Variants in RAG1 observed in about 807,000 individuals in gnomAD.
The protein encoded by RAG1 is recombination activating 1, also known as V(D)J recombination-activating protein 1.
A neutral mutation model predicts 62.7 loss-of-function variants in RAG1; 35 were observed. The observed-to-expected ratio is 0.56, with a 90% CI of 0.43 to 0.74. RAG1 has a LOEUF of 0.74. Among genes scored for constraint, RAG1 ranks in the 30% least tolerant of loss-of-function variants. The pLI is 0.00. For missense variants in RAG1, 1,169 were observed against 1,278.6 expected, an observed-to-expected ratio of 0.91 and a Z score of 1.31; for synonymous variants, 461 against 470.3, an observed-to-expected ratio of 0.98 and a Z score of 0.26.
At position 36,579,416 on chromosome 11, in the gene RAG1, T is replaced by G. The variant is rs1850902326; in HGVS notation, c.*2980T>G. The G allele has an allele frequency of 6.0e-6, 1 of 167,118 alleles. No homozygotes were observed. The highest frequency in any genetic ancestry group is 6.5e-5 in the Admixed American group (1 of 15,286). 10.4% of individuals were successfully genotyped at this position (167,118 alleles called of 1,614,324 possible). A position where few individuals can be genotyped will look rare whatever the true frequency, so the allele number is the denominator to read the frequency against. On this transcript the variant is annotated 3_prime_UTR_variant, in exon 2 of 2. Transcript: ENST00000299440. ...TGTACCCATTTTACATTTTCTTATT[T>G]TAACTACAGTAATCTACATAAATAT...
At chr11:36,510,553 AGTAGTAATCCC>A (rs1340825002), upstream of RAG1, 2 of 152,150 alleles carry the variant, frequency 1.3e-5, no homozygotes, top group Non-Finnish European at 2.9e-5. Context: ...CAGTGGCGAC[AGTAGTAATCCC>A]AAACTGCGCT....
chr11:36,573,551 G>C lies in RAG1; in HGVS notation c.247G>C (p.Ala83Pro). Residue 83 changes from alanine to proline, a missense_variant, in exon 2 of 2, where the codon GCC becomes CCC. Transcript: ENST00000299440. ...KPVPTQPLLK[A>P]HPKFSKKFHD... ...AGTCCCAACTCAGCCATTGTTAAAA[G>C]CCCACCCTAAGTTTTCAAAGAAATT... 6.2e-7 allele frequency: 1 copy of C among 1,614,148 alleles called. No individual in the cohort carries two copies. Among genetic ancestry groups the C allele is most frequent in the African/African-American group, 1.3e-5 (1 of 75,024 alleles).
At chr11:36,529,264 T>C (rs889364063) in intron 2 of RAG1, among the ~76,000 whole-genome samples, 1 of 152,102 alleles carries the variant, frequency 6.6e-6, no homozygotes, top group Non-Finnish European at 1.5e-5. Flanking sequence ...GCAAACCACA[T>C]CCAGCAGTGT....
chr11:36,531,270 T>C (rs1450281753), intron 2 of RAG1, among the ~76,000 whole-genome samples: 2 of 152,118 alleles, frequency 1.3e-5, no homozygotes, highest in East Asian at 3.9e-4. Context: ...TGAATGTTTT[T>C]TAATCCACTT....
At chr11:36,549,845 G>A (rs553551601) in intron 3 of RAG1, among the ~76,000 whole-genome samples, 10 of 152,252 alleles carry the variant, frequency 6.6e-5, no homozygotes, top group African/African-American at 2.4e-4. Flanking sequence ...GTACACAATA[G>A]CAAAGACTTG....
At chr11:36,561,440 C>A (rs1850582108) in intron 3 of RAG1, among the ~76,000 whole-genome samples, 1 of 152,142 alleles carries the variant, frequency 6.6e-6, no homozygotes, top group African/African-American at 2.4e-5. Context: ...CCAATTACTC[C>A]AGATTTGTTT....
At chr11:36,520,794 T>C (rs942753505) in intron 2 of RAG1, among the ~76,000 whole-genome samples, 1 of 152,208 alleles carries the variant, frequency 6.6e-6, no homozygotes, top group African/African-American at 2.4e-5. Flanking sequence ...TGGGACAAAG[T>C]TGATAGCTAT....
At chr11:36,537,899 A>T (rs888986462), downstream of RAG1, among the ~76,000 whole-genome samples, 7 of 151,630 alleles carry the variant, frequency 4.6e-5, no homozygotes, top group South Asian at 2.1e-4. Context: ...CTCTTTATTC[A>T]TTTCTTATGC....
At chr11:36,568,602 C>T (rs537877694) in intron 1 of RAG1, among the ~76,000 whole-genome samples, 90 of 152,306 alleles carry the variant, frequency 5.9e-4, no homozygotes, top group Non-Finnish European at 1.1e-3. Context: ...TTTAGAATCA[C>T]TGAATGTTTA....
chr11:36,575,654 G>T lies in RAG1; in HGVS notation c.2350G>T (p.Ala784Ser). Residue 784 changes from alanine to serine, a missense_variant, in exon 2 of 2, where the codon GCT (alanine) becomes TCT (serine). Coordinates refer to ENST00000299440, the MANE Select transcript of RAG1 (RefSeq NM_000448.3). This position sits in a 1 kb window ranked among gnomAD's most constrained non-coding sequence, Gnocchi z 4.1. ...ELRDRVKGVS[A>S]KPFIETVPSI... ...GCGGGATCGGGTGAAAGGGGTCTCA[G>T]CTAAACCTTTCATTGAGACAGTCCC... The T allele has an allele frequency of 1.2e-6, 2 of 1,614,212 alleles. No homozygotes were observed. Among genetic ancestry groups the T allele is most frequent in the Non-Finnish European group, 1.7e-6 (2 of 1,180,028 alleles).
In RAG1 at chr11:36,573,442, AAAGGAAAAG is replaced by A; in HGVS notation, c.144_152del (p.Glu48_Lys50del). On this transcript the variant is annotated inframe_deletion, in exon 2 of 2. Transcript: ENST00000299440. The stretch of plus-strand genomic sequence containing the variant: ...TTGAAAAGACACCTGAAGAAGCTCA[AAAGGAAAAG>A]AAGGATTCCTTTGAGGGGAAACCCT... The A allele has an allele frequency of 6.2e-7, 1 of 1,614,162 alleles. No homozygotes were observed. Among genetic ancestry groups the A allele is most frequent in the Non-Finnish European group, 8.5e-7 (1 of 1,180,032 alleles).
intron 1 of RAG1, among the ~76,000 whole-genome samples, chr11:36,571,716 G>A (rs749357622): frequency 6.6e-6 from 1 of 152,114 alleles, no homozygotes; most frequent in Non-Finnish European, 1.5e-5. Flanking sequence ...CTGGGTTCAG[G>A]CAATTTTCCT....
At chr11:36,533,924 T>C (rs1346004078) in intron 2 of RAG1, among the ~76,000 whole-genome samples, 2 of 152,098 alleles carry the variant, frequency 1.3e-5, no homozygotes, top group Non-Finnish European at 2.9e-5. Context: ...TAAAGTAATA[T>C]TACTTTTTTC....
chr11:36,565,141 T>C (rs765067974), upstream of RAG1, among the ~76,000 whole-genome samples: 31 of 152,200 alleles, frequency 2.0e-4, no homozygotes, highest in African/African-American at 7.5e-4. Context: ...TAGAGATGTA[T>C]AGATACATGC....
chr11:36,551,741 A>C, intron 3 of RAG1, among the ~76,000 whole-genome samples: 1 of 136,244 alleles, frequency 7.3e-6, no homozygotes, highest in South Asian at 2.5e-4. Flanking sequence ...ATATCTCCCA[A>C]TGCTATCCCT....
At chr11:36,545,194 A>T (rs1464748755) in intron 3 of RAG1, among the ~76,000 whole-genome samples, 1 of 152,148 alleles carries the variant, frequency 6.6e-6, no homozygotes, top group African/African-American at 2.4e-5. Context: ...TCTTGGGATA[A>T]ATTAAATAGA....
In RAG1 at chr11:36,535,299, T is replaced by A. The variant is rs983822770; in HGVS notation, n.429-660T>A. 6.6e-5 allele frequency among the ~76,000 whole-genome samples: 10 copies of A among 152,036 alleles called. 1 individual carries two copies. The highest frequency in any genetic ancestry group is 5.8e-4 in the East Asian group (3 of 5,202). On this transcript the variant is annotated intron_variant and non_coding_transcript_variant, in intron 2 of 2. Transcript: ENST00000529126. ...CCTGAAAGAAGTTGTTGGCATTTTT[T>A]AAAAATAGGATGTAAAGTCTGAAAT...
In RAG1 at chr11:36,579,420, CTACAG is replaced by C. The variant is rs1288703988; in HGVS notation, c.*2987_*2991del. The C allele has an allele frequency of 1.2e-5, 2 of 167,004 alleles. No individual in the cohort carries two copies. Among genetic ancestry groups the C allele is most frequent in the East Asian group, 3.8e-4 (2 of 5,198 alleles). 10.3% of individuals were successfully genotyped at this position (167,004 alleles called of 1,614,324 possible). On this transcript the variant is annotated 3_prime_UTR_variant, in exon 2 of 2. Coordinates refer to ENST00000299440, the MANE Select transcript of RAG1 (RefSeq NM_000448.3). ...CCCATTTTACATTTTCTTATTTTAA[CTACAG>C]TAATCTACATAAATATACCTCAGAA...
intron 1 of RAG1, among the ~76,000 whole-genome samples, chr11:36,569,539 G>T (rs1193635246): frequency 6.6e-6 from 1 of 152,206 alleles, no homozygotes; most frequent in Non-Finnish European, 1.5e-5. Context: ...GAAAAGCTAA[G>T]GGTGGTGGTC....
Sources: allele counts gnomAD v4.1 joint callset (sites outside exome capture counted in the v4.1 genomes callset), GRCh38; gene constraint gnomAD v4.1.1; non-coding constraint Gnocchi (gnomAD v3.1); transcripts MANE v1.5; gene names NCBI Gene and HGNC (gene_info 2026-07-23, HGNC 2026-07-21).